The following DPP4 variants were observed in gnomAD, a reference collection of about 807,000 sequenced individuals.
DPP4 encodes dipeptidyl peptidase 4, also known as ADCP-2.
In DPP4, 93 loss-of-function variants were observed where a neutral mutation model predicts 122.4. The ratio of observed to expected loss-of-function variants is 0.76; its 90% confidence interval spans 0.64 to 0.90. The LOEUF is 0.90. Ranked by LOEUF, DPP4 falls within the 40% of genes least tolerant of loss-of-function variation. DPP4 has a pLI of 0.00. For synonymous variants in DPP4, 321 were observed against 302.9 expected (o/e 1.06, Z -0.62); for missense variants, 914 against 907.3 (o/e 1.01, Z -0.09).
At chr2:162,035,863 AC>A (rs1683751803) in intron 8 of DPP4, among the ~76,000 whole-genome samples, 1 of 152,078 alleles carries the variant, frequency 6.6e-6, no homozygotes, top group African/African-American at 2.4e-5. Context: ...CTCCATTGAG[AC>A]CCCTACTGAG....
Position 162,018,779 on chromosome 2 carries a change from T to G in DPP4, c.1370A>C (p.Tyr457Ser). 1.9e-6 allele frequency: 3 copies of G among 1,614,124 alleles called. No individual in the cohort carries two copies. The highest frequency in any genetic ancestry group is 2.5e-6 in the Non-Finnish European group (3 of 1,180,030). Residue 457 changes from tyrosine (Y) to serine (S), a missense_variant, in exon 16 of 26, where the codon TAT becomes TCT. Tyr to Ser is a moderately radical substitution (Grantham distance 144, BLOSUM62 -2). Coordinates refer to ENST00000360534, the MANE Select transcript of DPP4 (RefSeq NM_001935.4). ...CELNPERCQYYSVSFSKEAKY... is the reference protein window; with the variant it reads ...CELNPERCQYSSVSFSKEAKY... ...CGCCTCTTTACTGAATGACACAGAATAGTACTGACACCTTTCCGGATTCAG... is the reference window on the plus strand; with the variant it reads ...CGCCTCTTTACTGAATGACACAGAAGAGTACTGACACCTTTCCGGATTCAG...
intron 23 of DPP4, among the ~76,000 whole-genome samples, chr2:161,996,293 T>A (rs1268548957): frequency 2.0e-5 from 3 of 152,200 alleles, no homozygotes; most frequent in Non-Finnish European, 2.9e-5. Context: ...AGCTAGAGTC[T>A]ACTTTGATGG....
intron 18 of DPP4, 68 bp downstream of exon 18, chr2:162,016,700 C>T (rs962544917): frequency 7.2e-6 from 7 of 974,124 alleles, no homozygotes; most frequent in East Asian, 2.5e-5. Flanking sequence ...ATTTTCAGAT[C>T]GAATTACTAT....
At chr2:162,016,221 T>C (rs746880809) in intron 18 of DPP4, among the ~76,000 whole-genome samples, 6 of 152,104 alleles carry the variant, frequency 3.9e-5, no homozygotes, top group Non-Finnish European at 7.4e-5. Context: ...AAACAATAAA[T>C]AACAAGATTT....
At chr2:162,068,364 G>A (rs1179563231) in intron 2 of DPP4, among the ~76,000 whole-genome samples, 1 of 152,218 alleles carries the variant, frequency 6.6e-6, no homozygotes, top group Non-Finnish European at 1.5e-5. Context: ...GAACAGTACT[G>A]AGTATCAGCT....
intron 10 of DPP4, among the ~76,000 whole-genome samples, chr2:162,029,337 C>A (rs1291368408): frequency 6.6e-6 from 1 of 152,170 alleles, no homozygotes; most frequent in Non-Finnish European, 1.5e-5. Flanking sequence ...GCAACTGCAA[C>A]CGTGGAATGA....
intron 10 of DPP4, among the ~76,000 whole-genome samples, chr2:162,031,215 C>T (rs556436899): frequency 6.6e-5 from 10 of 152,320 alleles, no homozygotes; most frequent in African/African-American, 2.4e-4. Flanking sequence ...CTCTGAGCCT[C>T]GGTTCTCTCA....
chr2:162,071,567 G>A (rs2268884), intron 2 of DPP4, among the ~76,000 whole-genome samples: 152 of 152,250 alleles, frequency 1.0e-3, no homozygotes, highest in East Asian at 2.9e-3. Flanking sequence ...ACTTGAACCC[G>A]GGAGGGGGAG....
At chr2:162,008,454 G>C in intron 22 of DPP4, 108 bp downstream of exon 22, 2 of 868,978 alleles carry the variant, frequency 2.3e-6, no homozygotes, top group South Asian at 1.5e-5. Flanking sequence ...AGATGAATCA[G>C]CCTATTATTC....
At chr2:162,033,792 T>C (rs1683655665) in intron 9 of DPP4, 139 bp from the exon 10 acceptor site, 1 of 514,748 alleles carries the variant, frequency 1.9e-6, no homozygotes, top group South Asian at 2.4e-5. Context: ...CAATTTAATA[T>C]ACATAAAATG....
chr2:162,037,601 T>G (rs1483240949), intron 8 of DPP4, among the ~76,000 whole-genome samples: 1 of 152,192 alleles, frequency 6.6e-6, no homozygotes, highest in African/African-American at 2.4e-5. Flanking sequence ...GAGGAAACCT[T>G]GTGAACAGTT....
Position 161,993,158 on chromosome 2 carries a change from A to T in DPP4, c.*125T>A, listed in dbSNP as rs1414807247. 1 of 722,454 alleles carries T rather than the reference A, an allele frequency of 1.4e-6. No homozygotes were observed. Among genetic ancestry groups the T allele is most frequent in the Non-Finnish European group, 2.3e-6 (1 of 429,208 alleles). 44.8% of individuals were successfully genotyped at this position (722,454 alleles called of 1,614,324 possible). ...AGGTATGAAATTTGGGAACAAAGGT[A>T]ACCTTAAGTTTCTTGATTTGAGTGT... On this transcript the variant is annotated 3_prime_UTR_variant, in exon 26 of 26. Coordinates refer to ENST00000360534, the MANE Select transcript of DPP4 (RefSeq NM_001935.4).
intron 20 of DPP4, among the ~76,000 whole-genome samples, chr2:162,010,513 C>T (rs1682653955): frequency 6.6e-6 from 1 of 152,168 alleles, no homozygotes; most frequent in African/African-American, 2.4e-5. Flanking sequence ...GTGTGTGCCA[C>T]TGTATAAACG....
In DPP4 at chr2:162,052,259, G is replaced by C. The variant is rs1028092372; in HGVS notation, c.95-4758C>G. Reference sequence around the variant, plus strand: ...CTTGAACCCAGGAGGCAGAGGTTTTGGTGAGCTGCGATCACACCATTGCAC... The same window carrying C: ...CTTGAACCCAGGAGGCAGAGGTTTTCGTGAGCTGCGATCACACCATTGCAC... On this transcript the variant is annotated intron_variant, in intron 2 of 25. Transcript: ENST00000360534. Among the ~76,000 whole-genome samples the C allele has an allele frequency of 2.0e-5, 3 of 147,390 alleles. No individual in the cohort carries two copies. In the Admixed American group the frequency reaches 2.1e-4, roughly 10 times the overall value.
At chr2:162,057,181 T>G (rs1386471901) in intron 2 of DPP4, among the ~76,000 whole-genome samples, 1 of 152,196 alleles carries the variant, frequency 6.6e-6, no homozygotes, top group Non-Finnish European at 1.5e-5. Context: ...CCTGTGACTA[T>G]GAAATTCTCT....
At position 162,047,426 on chromosome 2, in the gene DPP4, A is replaced by G; in HGVS notation, c.170T>C (p.Leu57Ser). ...DYLKNTYRLKLYSLRWISDHE... is the reference protein window; with the variant it reads ...DYLKNTYRLKSYSLRWISDHE... Reference sequence around the variant, plus strand: ...ACCTGAAATCCATCTTAAGGAGTATAACTTCAGTCTATAAGTATTTTTTAA... The same window carrying G: ...ACCTGAAATCCATCTTAAGGAGTATGACTTCAGTCTATAAGTATTTTTTAA... Residue 57 changes from leucine to serine, a missense_variant, in exon 3 of 26, where the codon TTA becomes TCA. Coordinates refer to ENST00000360534, the MANE Select transcript of DPP4 (RefSeq NM_001935.4). 2.5e-6 allele frequency: 4 copies of G among 1,575,352 alleles called. No individual in the cohort carries two copies. The highest frequency in any genetic ancestry group is 2.6e-6 in the Non-Finnish European group (3 of 1,153,530).
chr2:162,040,360 TG>T (rs1683941699), intron 5 of DPP4, among the ~76,000 whole-genome samples: 2 of 151,820 alleles, frequency 1.3e-5, no homozygotes, highest in Non-Finnish European at 2.9e-5. Context: ...ATCCATACAA[TG>T]GAATCTTATT....
intron 2 of DPP4, among the ~76,000 whole-genome samples, chr2:162,052,574 T>C (rs186163893): frequency 6.6e-6 from 1 of 152,258 alleles, no homozygotes; most frequent in African/African-American, 2.4e-5. Flanking sequence ...ACAAGACAAA[T>C]GGACCTAGAA....
intron 24 of DPP4, 122 bp downstream of exon 24, chr2:161,995,178 G>A: frequency 7.7e-7 from 1 of 1,300,702 alleles, no homozygotes; most frequent in Non-Finnish European, 1.1e-6. Flanking sequence ...AGTGACTTGT[G>A]GAAAGCAACA....
Sources: gnomAD v4.1 joint callset for allele counts (sites outside exome capture counted in the v4.1 genomes callset) on GRCh38, gnomAD v4.1.1 for gene constraint, MANE v1.5 for transcripts, NCBI Gene and HGNC (gene_info 2026-07-23, HGNC 2026-07-21) for gene names.